Variants in SPG11 observed in about 807,000 individuals in gnomAD.
SPG11 encodes SPG11 vesicle trafficking associated, spatacsin.
SPG11 carries 222 observed loss-of-function variants against 274.0 expected under a neutral mutation model. That is an observed-to-expected ratio of 0.81 (90% CI 0.73 to 0.91). The LOEUF (loss-of-function observed/expected upper bound fraction) is 0.91. SPG11 is among the 40% of genes least tolerant of loss of function. The pLI is 0.00. For synonymous variants in SPG11, 1,144 were observed against 1,039.7 expected, an observed-to-expected ratio of 1.10 and a Z score of -1.93; for missense variants, 3,114 against 2,872.7, an observed-to-expected ratio of 1.08 and a Z score of -1.92.
chr15:44,606,626 T>C (rs1167790924), intron 19 of SPG11, among the ~76,000 whole-genome samples: 1 of 152,168 alleles, frequency 6.6e-6, no homozygotes, highest in African/African-American at 2.4e-5. Context: ...GTAGTGGTTG[T>C]TTGGAATTTT....
chr15:44,587,707 A>AAAAAAAACAAAAAAAAAAC (rs2082800391), intron 28 of SPG11, among the ~76,000 whole-genome samples: 1 of 150,668 alleles, frequency 6.6e-6, no homozygotes, highest in African/African-American at 2.5e-5. Flanking sequence ...AAAAAAAAAA[A>AAAAAAAACAAAAAAAAAAC]AAAAAAAAAA....
Position 44,572,725 on chromosome 15 carries a change from A to C in SPG11, c.6301T>G (p.Leu2101Val), listed in dbSNP as rs1269010181. ...QDRTLVGMKLLDKISSVPHGE... is the reference protein window; with the variant it reads ...QDRTLVGMKLVDKISSVPHGE... ...TGGGGAACGGAGGAAATCTTATCCA[A>C]CAACTTCATGCCTACCAATGTGCGG... is the stretch of plus-strand genomic sequence containing the variant. The change falls in exon 33 of 40, where the codon TTG becomes GTG. Residue 2101 changes from leucine to valine, a missense_variant. Coordinates refer to ENST00000261866, the MANE Select transcript of SPG11 (RefSeq NM_025137.4). 3 of 1,614,150 alleles carry C rather than the reference A, an allele frequency of 1.9e-6. No individual in the cohort carries two copies. The highest frequency in any genetic ancestry group is 1.7e-6 in the Non-Finnish European group (2 of 1,180,018).
At chr15:44,633,159 G>GA (rs1472349712) in intron 8 of SPG11, among the ~76,000 whole-genome samples, 1 of 151,196 alleles carries the variant, frequency 6.6e-6, no homozygotes, top group Non-Finnish European at 1.5e-5. Context: ...GCAACACAGT[G>GA]AGACCCCATT....
At chr15:44,603,591 T>C (rs1420347709) in intron 20 of SPG11, among the ~76,000 whole-genome samples, 1 of 152,172 alleles carries the variant, frequency 6.6e-6, no homozygotes. Context: ...CAAACAAAAA[T>C]GTCTTTTTTT....
chr15:44,638,903 G>A (rs1318909123), intron 7 of SPG11, among the ~76,000 whole-genome samples: 1 of 151,910 alleles, frequency 6.6e-6, no homozygotes, highest in Non-Finnish European at 1.5e-5. Flanking sequence ...GGCTGAGGCA[G>A]GAGAATCGCT....
rs761096862 is a variant in SPG11 at position 44,596,128 on chromosome 15, C to G, written c.4389G>C (p.Val1463=). The change falls in exon 25 of 40, where the codon GTG becomes GTC. Residue 1463 remains valine, a synonymous_variant. Transcript: ENST00000261866. The stretch of plus-strand genomic sequence containing the variant: ...CACTGAGGATAGGGGCCTGTTGTTT[C>G]ACTGCTTCAACCAGAAGCCAGTGCC... ...DSWHWLLVEA[V]KQQAPILSVL... The G allele has an allele frequency of 6.2e-7, 1 of 1,614,030 alleles. No homozygotes were observed.
chr15:44,596,832 C>G lies in SPG11; in HGVS notation c.4113G>C (p.Trp1371Cys). The change falls in exon 24 of 40, where the codon TGG (tryptophan) becomes TGC (cysteine). Residue 1371 changes from tryptophan to cysteine, a missense_variant. Physicochemically the swap from Trp to Cys is radical, Grantham distance 215. Coordinates refer to ENST00000261866, the MANE Select transcript of SPG11 (RefSeq NM_025137.4). ...YLRECAKAND[W>C]LQFIIHSQLH... ...GTTGGCTGTGAATAATGAACTGCAG[C>G]CAATCATTTGCTTTGGCACATTCTC... is the stretch of plus-strand genomic sequence containing the variant. 6.2e-7 allele frequency: 1 copy of G among 1,614,014 alleles called. No homozygotes were observed. Among genetic ancestry groups the G allele is most frequent in the Non-Finnish European group, 8.5e-7 (1 of 1,180,008 alleles).
intron 20 of SPG11, among the ~76,000 whole-genome samples, 161 bp from the exon 21 acceptor site, chr15:44,600,793 G>C (rs1779056446): frequency 6.6e-6 from 1 of 152,194 alleles, no homozygotes; most frequent in Non-Finnish European, 1.5e-5. Flanking sequence ...TTACTTCAGT[G>C]TATAGAGGTA....
intron 18 of SPG11, among the ~76,000 whole-genome samples, chr15:44,609,150 A>T (rs1246927932): frequency 6.6e-6 from 1 of 151,700 alleles, no homozygotes; most frequent in East Asian, 1.9e-4. Context: ...TTTTTTTTTG[A>T]GACGGAGTCT....
intron 26 of SPG11, among the ~76,000 whole-genome samples, chr15:44,594,790 T>C (rs1178732373): frequency 1.3e-5 from 2 of 152,044 alleles, no homozygotes; most frequent in East Asian, 3.9e-4. Context: ...ATAAAATAAA[T>C]ACGACTTTGC....
At chr15:44,586,624 A>G (rs1379259736) in intron 28 of SPG11, among the ~76,000 whole-genome samples, 4 of 152,128 alleles carry the variant, frequency 2.6e-5, no homozygotes, top group African/African-American at 9.7e-5. Context: ...AGCCTGGGCA[A>G]TAGAGTGAGA....
intron 26 of SPG11, among the ~76,000 whole-genome samples, chr15:44,594,651 C>T (rs2082988554): frequency 6.7e-6 from 1 of 149,912 alleles, no homozygotes; most frequent in Non-Finnish European, 1.5e-5. Flanking sequence ...TTTTCCTAGC[C>T]ATCTGGGAGG....
At chr15:44,587,033 G>C (rs901477368) in intron 28 of SPG11, among the ~76,000 whole-genome samples, 1 of 152,226 alleles carries the variant, frequency 6.6e-6, no homozygotes, top group Non-Finnish European at 1.5e-5. Context: ...GAAAGTATTA[G>C]TAACACTAAG....
At position 44,569,510 on chromosome 15, in the gene SPG11, G is replaced by A. The variant is rs767112168; in HGVS notation, c.6478-5C>T. On this transcript the variant is annotated splice_polypyrimidine_tract_variant and splice_region_variant and intron_variant, in intron 34 of 39. Coordinates refer to ENST00000261866, the MANE Select transcript of SPG11 (RefSeq NM_025137.4). The stretch of plus-strand genomic sequence containing the variant: ...AATGCCAGTGAGGAGCCGTACCTGT[G>A]AAGTGGGAGGACAGCTCGCATCAGC... 6.3e-7 allele frequency: 1 copy of A among 1,575,222 alleles called. No homozygotes were observed. The highest frequency in any genetic ancestry group is 1.2e-5 in the South Asian group (1 of 86,476).
At chr15:44,649,553 C>G (rs749346121) in intron 6 of SPG11, among the ~76,000 whole-genome samples, 2 of 152,010 alleles carry the variant, frequency 1.3e-5, no homozygotes, top group Non-Finnish European at 2.9e-5. Flanking sequence ...CTTTAAAACA[C>G]TGACCACAAG....
chr15:44,622,297 A>G lies in SPG11; in HGVS notation c.2367T>C (p.Thr789=). ...TCTCAACTTGATGCACGAAGTCTAT[A>G]GTTCTTTTCTCTTTTTCAGAAAAAT... ...KNYFSEKEKR[T]IDFVHQVEKL... The change falls in exon 13 of 40, where the codon ACT becomes ACC. Residue 789 remains threonine (T), a synonymous_variant. Transcript: ENST00000261866. 1 of 1,578,340 alleles carries G rather than the reference A, an allele frequency of 6.3e-7. No homozygotes were observed. Among genetic ancestry groups the G allele is most frequent in the Non-Finnish European group, 8.7e-7 (1 of 1,153,732 alleles).
chr15:44,626,490 G>C lies in SPG11; in HGVS notation c.2085C>G (p.Ala695=). The C allele has an allele frequency of 6.2e-7, 1 of 1,613,712 alleles. No individual in the cohort carries two copies. Among genetic ancestry groups the C allele is most frequent in the Non-Finnish European group, 8.5e-7 (1 of 1,179,894 alleles). Residue 695 remains alanine, a synonymous_variant, in exon 11 of 40, where the codon GCC becomes GCG. Coordinates refer to ENST00000261866, the MANE Select transcript of SPG11 (RefSeq NM_025137.4). ...CCTCTGGTATTTTGTTGTTTAAAAT[G>C]GCGCTGGCAATAACTTCCTAGGAAA... ...KLSFEEVIAS[A]ILNNKIPEAQ...
At chr15:44,599,249 T>G (rs944876841) in intron 21 of SPG11, among the ~76,000 whole-genome samples, 2 of 152,150 alleles carry the variant, frequency 1.3e-5, no homozygotes, top group African/African-American at 4.8e-5. Flanking sequence ...TATAGGCCTT[T>G]TATAGGAATA....
chr15:44,628,548 A>G, intron 10 of SPG11, 121 bp downstream of exon 10: 1 of 970,960 alleles, frequency 1.0e-6, no homozygotes, highest in South Asian at 1.3e-5. Context: ...GATAAAACCT[A>G]AAACCTTTGC....
Sources: gnomAD v4.1 joint callset for allele counts (sites outside exome capture counted in the v4.1 genomes callset) on GRCh38, gnomAD v4.1.1 for gene constraint, MANE v1.5 for transcripts, NCBI Gene and HGNC (gene_info 2026-07-23, HGNC 2026-07-21) for gene names.